The following SLC26A7 variants were observed in gnomAD, a reference collection of about 807,000 sequenced individuals.
SLC26A7 encodes anion exchange transporter.
Under a neutral mutation model 82.5 loss-of-function variants are expected in SLC26A7, and 59 were observed. The observed-to-expected ratio is 0.72, with a 90% CI of 0.58 to 0.89. SLC26A7 has a LOEUF of 0.89. Ranked by LOEUF, SLC26A7 falls within the 40% of genes least tolerant of loss-of-function variation. The pLI, the probability that SLC26A7 is intolerant of heterozygous loss-of-function variation, is 0.00. For synonymous variants in SLC26A7, 271 were observed against 274.3 expected, an observed-to-expected ratio of 0.99 and a Z score of 0.12; for missense variants, 820 against 793.0, an observed-to-expected ratio of 1.03 and a Z score of -0.41.
chr8:91,286,058 G>A (rs1285120780), intron 2 of SLC26A7, among the ~76,000 whole-genome samples: 1 of 152,276 alleles, frequency 6.6e-6, no homozygotes, highest in East Asian at 1.9e-4. Flanking sequence ...CATCACTAGT[G>A]ATTGAGTCAC....
At chr8:91,252,111 AAAC>A in intron 2 of SLC26A7, among the ~76,000 whole-genome samples, 1 of 152,274 alleles carries the variant, frequency 6.6e-6, no homozygotes, top group East Asian at 1.9e-4. Context: ...ATCATAACGC[AAAC>A]AATAGGCTCA....
chr8:91,268,888 T>G (rs1382412120), intron 2 of SLC26A7, among the ~76,000 whole-genome samples: 3 of 151,760 alleles, frequency 2.0e-5, no homozygotes, highest in African/African-American at 7.2e-5. Flanking sequence ...ACAAAAATTT[T>G]TATAGTTATA....
chr8:91,259,371 T>C (rs906167907), intron 2 of SLC26A7, among the ~76,000 whole-genome samples: 3 of 152,088 alleles, frequency 2.0e-5, no homozygotes, highest in Non-Finnish European at 2.9e-5. Context: ...TCTGCTCAGC[T>C]CTAGAACAGA....
At chr8:91,371,949 G>C (rs1814374587) in intron 15 of SLC26A7, among the ~76,000 whole-genome samples, 1 of 151,918 alleles carries the variant, frequency 6.6e-6, no homozygotes, top group African/African-American at 2.4e-5. Flanking sequence ...GTGTGAGATG[G>C]TATCTGATTT....
chr8:91,279,716 C>T (rs56017022), intron 2 of SLC26A7, among the ~76,000 whole-genome samples: 8 of 152,172 alleles, frequency 5.3e-5, no homozygotes, highest in Admixed American at 6.5e-5. Flanking sequence ...TCCACCACCA[C>T]GCCCGGCTAA....
chr8:91,315,466 A>T (rs961557059), intron 4 of SLC26A7, among the ~76,000 whole-genome samples: 1 of 149,130 alleles, frequency 6.7e-6, no homozygotes, highest in African/African-American at 2.5e-5. Context: ...CAAAAAAAAA[A>T]AAAAACACCA....
chr8:91,310,964 C>T (rs1485177119), intron 4 of SLC26A7, among the ~76,000 whole-genome samples: 1 of 151,944 alleles, frequency 6.6e-6, no homozygotes, highest in East Asian at 1.9e-4. Context: ...ACTTTCAATC[C>T]TGCTGTAAAA....
chr8:91,209,765 A>T (rs1345113676), intron 1 of SLC26A7, among the ~76,000 whole-genome samples: 1 of 152,222 alleles, frequency 6.6e-6, no homozygotes, highest in African/African-American at 2.4e-5. Context: ...TTACTGCATG[A>T]TGAACCTTAT....
At chr8:91,225,821 T>A (rs540958091) in intron 2 of SLC26A7, among the ~76,000 whole-genome samples, 1 of 152,124 alleles carries the variant, frequency 6.6e-6, no homozygotes, top group Admixed American at 6.5e-5. Context: ...CTTGTCAGAT[T>A]CCAAGGTACT....
chr8:91,301,254 G>T (rs963344948), intron 4 of SLC26A7, among the ~76,000 whole-genome samples: 1 of 151,972 alleles, frequency 6.6e-6, no homozygotes, highest in Non-Finnish European at 1.5e-5. Context: ...TCTTCTTAAC[G>T]TCCCTTCTCA....
chr8:91,322,244 T>C (rs899050670), intron 5 of SLC26A7, among the ~76,000 whole-genome samples: 11 of 152,312 alleles, frequency 7.2e-5, no homozygotes, highest in African/African-American at 2.6e-4. Context: ...TTAAAAAAGC[T>C]ATGTTTTTTA....
At chr8:91,274,647 T>C (rs1811358970) in intron 2 of SLC26A7, among the ~76,000 whole-genome samples, 1 of 152,238 alleles carries the variant, frequency 6.6e-6, no homozygotes, top group African/African-American at 2.4e-5. Flanking sequence ...ACTCTTATAC[T>C]GACAACTAAA....
intron 2 of SLC26A7, among the ~76,000 whole-genome samples, chr8:91,277,277 C>T (rs1278064334): frequency 6.6e-6 from 1 of 152,162 alleles, no homozygotes; most frequent in African/African-American, 2.4e-5. Flanking sequence ...ACATCTCTCT[C>T]GAGTGGAGGC....
At chr8:91,333,955 G>C (rs1392361353) in intron 5 of SLC26A7, among the ~76,000 whole-genome samples, 1 of 152,160 alleles carries the variant, frequency 6.6e-6, no homozygotes, top group Admixed American at 6.6e-5. Flanking sequence ...ATGGTCCCCT[G>C]ACCGCTGTTA....
chr8:91,369,696 T>G, intron 14 of SLC26A7, 89 bp from the exon 15 acceptor site: 1 of 975,672 alleles, frequency 1.0e-6, no homozygotes, highest in South Asian at 1.8e-5. Flanking sequence ...TTTTTGTTAT[T>G]CTTTATAAGT....
intron 2 of SLC26A7, among the ~76,000 whole-genome samples, chr8:91,241,991 C>A (rs147661473): frequency 0.013 from 1,947 of 152,220 alleles, 50 homozygotes; most frequent in African/African-American, 0.044. Flanking sequence ...CACTATTTGG[C>A]AGTGTTCAGT....
At chr8:91,321,288 C>T (rs1318645297) in intron 5 of SLC26A7, among the ~76,000 whole-genome samples, 2 of 152,182 alleles carry the variant, frequency 1.3e-5, no homozygotes, top group Non-Finnish European at 2.9e-5. Flanking sequence ...CTCAGTTCTG[C>T]CCTCTTAGAT....
chr8:91,352,900 G>T lies in SLC26A7; in HGVS notation c.1219-1G>T. ...TTCTTCAACTTACGTTTTATTTCTA[G>T]TGTGTCCTTGCAAGCATTATTGTTG... On this transcript the variant is annotated splice_acceptor_variant, in intron 10 of 18. Coordinates refer to ENST00000276609, the MANE Select transcript of SLC26A7 (RefSeq NM_052832.4). LOFTEE classifies it high-confidence loss of function. 6.3e-7 allele frequency: 1 copy of T among 1,591,646 alleles called. No individual in the cohort carries two copies. The highest frequency in any genetic ancestry group is 8.5e-7 in the Non-Finnish European group (1 of 1,170,672).
intron 1 of SLC26A7, among the ~76,000 whole-genome samples, chr8:91,213,870 G>A (rs1809983747): frequency 6.6e-6 from 1 of 152,264 alleles, no homozygotes; most frequent in South Asian, 2.1e-4. Context: ...TTTGTGGATA[G>A]GAGTGGCAGG....
Sources: allele counts gnomAD v4.1 joint callset (sites outside exome capture counted in the v4.1 genomes callset), GRCh38; gene constraint gnomAD v4.1.1; transcripts MANE v1.5; gene names NCBI Gene and HGNC (gene_info 2026-07-23, HGNC 2026-07-21).